The following PLB1 variants were observed in gnomAD, a reference collection of about 807,000 sequenced individuals.
The protein encoded by PLB1 is phospholipase B1.
Under a neutral mutation model 227.4 loss-of-function variants are expected in PLB1, and 242 were observed. The ratio of observed to expected loss-of-function variants is 1.06; its 90% CI spans 0.96 to 1.18. The LOEUF is 1.18. PLB1 is among the 50% of genes most tolerant of loss of function. PLB1 has a pLI of 0.00. For missense variants in PLB1, 1,858 were observed against 1,816.3 expected (o/e 1.02, Z -0.42); for synonymous variants, 757 against 682.2 (o/e 1.11, Z -1.71).
intron 1 of PLB1, among the ~76,000 whole-genome samples, chr2:28,510,988 T>A (rs1412629698): frequency 2.0e-5 from 3 of 152,200 alleles, no homozygotes; most frequent in Non-Finnish European, 4.4e-5. Context: ...TTTCACCACC[T>A]CATCCTGCCC....
At chr2:28,528,318 C>G (rs1050861614) in intron 6 of PLB1, among the ~76,000 whole-genome samples, 3 of 152,202 alleles carry the variant, frequency 2.0e-5, no homozygotes, top group Non-Finnish European at 4.4e-5. Flanking sequence ...GTGGAGGCAT[C>G]TGCCTCCCAT....
chr2:28,598,938 T>C lies in PLB1; in HGVS notation c.2474+178T>C, dbSNP rs2148296065. Among the ~76,000 whole-genome samples, 3 of 152,358 alleles carry C rather than the reference T, an allele frequency of 2.0e-5. 1 individual carries two copies. The South Asian group carries it at 6.2e-4, about 32-fold the overall frequency. ...AGGTTGTAATAGGCCAGAGAGGCTG[T>C]GGCCTTGGAGAGATGCGATGCCCCT... On this transcript the variant is annotated intron_variant, in intron 35 of 57. Transcript: ENST00000327757.
At chr2:28,603,757 C>T (rs578219172) in intron 39 of PLB1, among the ~76,000 whole-genome samples, 9 of 152,250 alleles carry the variant, frequency 5.9e-5, no homozygotes, top group African/African-American at 1.2e-4. Flanking sequence ...CTCATTCCCA[C>T]ACTGGCTCCC....
In PLB1 at chr2:28,550,080, T is replaced by C. The variant is rs769728588; in HGVS notation, c.1079T>C (p.Leu360Pro). 7 of 1,611,102 alleles carry C rather than the reference T, an allele frequency of 4.3e-6. No individual in the cohort carries two copies. In the African/African-American group the frequency reaches 6.7e-5, roughly 15 times the overall value. The change falls in exon 16 of 58, where the codon CTT (leucine) becomes CCT (proline). Residue 360 changes from leucine to proline, a missense_variant. Leu to Pro is a moderately conservative substitution (Grantham distance 98, BLOSUM62 -3). Coordinates refer to ENST00000327757, the MANE Select transcript of PLB1 (RefSeq NM_153021.5). ...LTRLQKPQDKLEVREGAEIRC... is the reference protein window; with the variant it reads ...LTRLQKPQDKPEVREGAEIRC... The stretch of plus-strand genomic sequence containing the variant: ...AGACTGCAGAAACCCCAAGACAAGC[T>C]TGAGGTAAGGAAAGGTTTTCTGTAA...
intron 22 of PLB1, among the ~76,000 whole-genome samples, chr2:28,579,175 A>G (rs756197521): frequency 3.9e-5 from 6 of 152,158 alleles, no homozygotes; most frequent in Non-Finnish European, 5.9e-5. Context: ...GAGTATTCCA[A>G]ATTTGGAGAG....
At chr2:28,552,412 C>G (rs1674397837) in intron 16 of PLB1, among the ~76,000 whole-genome samples, 1 of 152,182 alleles carries the variant, frequency 6.6e-6, no homozygotes, top group East Asian at 1.9e-4. Flanking sequence ...GGAGATTGGA[C>G]TTTTTGCTGA....
rs1573308499 is a variant in PLB1, at chr2:28,597,905, G to A, written c.2322-100G>A. On this transcript the variant is annotated intron_variant, in intron 33 of 57. Transcript: ENST00000327757. ...CTGGCCCATCTCAAAGGTGCCGATGGGCACTAAGAAGGGTGGGGGCTGCTC... is the reference window on the plus strand; with the variant it reads ...CTGGCCCATCTCAAAGGTGCCGATGAGCACTAAGAAGGGTGGGGGCTGCTC... 4.3e-6 allele frequency: 5 copies of A among 1,155,042 alleles called. No homozygotes were observed. The East Asian group carries it at 9.4e-5, about 22-fold the overall frequency. The allele number at this position is 1,155,042 out of a possible 1,614,324, so 71.5% of individuals were successfully genotyped here. A position where few individuals can be genotyped will look rare whatever the true frequency, so the allele number is the denominator to read the frequency against.
At chr2:28,598,555 C>T in intron 34 of PLB1, 97 bp from the exon 35 acceptor site, 2 of 930,798 alleles carry the variant, frequency 2.1e-6, no homozygotes, top group Non-Finnish European at 3.5e-6. Flanking sequence ...AGGATGATAA[C>T]ACAGCCCACT....
At chr2:28,569,308 A>T (rs1223029735) in intron 20 of PLB1, among the ~76,000 whole-genome samples, 1 of 152,174 alleles carries the variant, frequency 6.6e-6, no homozygotes, top group Non-Finnish European at 1.5e-5. Flanking sequence ...TTTTATTTCT[A>T]ATTCAGTCCA....
chr2:28,607,357 C>A (rs1304100181), intron 43 of PLB1, among the ~76,000 whole-genome samples: 1 of 152,160 alleles, frequency 6.6e-6, no homozygotes, highest in East Asian at 1.9e-4. Flanking sequence ...AATGGACCTG[C>A]AGCTCCCCCA....
rs1247043978 is a variant in PLB1 at position 28,601,980 on chromosome 2, C to T, written c.2673+16C>T. 24 of 1,598,854 alleles carry T rather than the reference C, an allele frequency of 1.5e-5. No homozygotes were observed. The highest frequency in any genetic ancestry group is 2.1e-5 in the Non-Finnish European group (24 of 1,166,574). On this transcript the variant is annotated intron_variant, in intron 38 of 57. Transcript: ENST00000327757. ...GCATAGAGAGGTGGGTGGGGGGCTTCCACAAGCTGGTAACAGCTCAAGCAT... is the reference window on the plus strand; with the variant it reads ...GCATAGAGAGGTGGGTGGGGGGCTTTCACAAGCTGGTAACAGCTCAAGCAT...
intron 9 of PLB1, among the ~76,000 whole-genome samples, chr2:28,535,590 C>G (rs1572818153): frequency 6.6e-6 from 1 of 152,182 alleles, no homozygotes; most frequent in East Asian, 1.9e-4. Context: ...GAAAGCACAT[C>G]TCAGGTATAA....
rs780835288 is a variant in PLB1 at position 28,585,807 on chromosome 2, C to A, written c.1780C>A (p.Leu594Ile). ...VLKFDDNSTE[L>I]ATLIEFNKKF... is the part of the protein sequence containing the mutation. ...GAAGTTTGATGATAACTCAACAGAACTTGCTACCCTCATCGAATTCAACAA... is the reference window on the plus strand; with the variant it reads ...GAAGTTTGATGATAACTCAACAGAAATTGCTACCCTCATCGAATTCAACAA... The change falls in exon 26 of 58, where the codon CTT becomes ATT. Residue 594 changes from leucine to isoleucine, a missense_variant. Physicochemically the swap from Leu to Ile is conservative, Grantham distance 5. Transcript: ENST00000327757. 6.2e-7 allele frequency: 1 copy of A among 1,612,552 alleles called. No individual in the cohort carries two copies. The highest frequency in any genetic ancestry group is 1.1e-5 in the South Asian group (1 of 91,062).
At chr2:28,513,403 T>C (rs1196661117) in intron 1 of PLB1, among the ~76,000 whole-genome samples, 1 of 152,242 alleles carries the variant, frequency 6.6e-6, no homozygotes, top group Non-Finnish European at 1.5e-5. Context: ...CTTGAAAGCC[T>C]GGGATATTCA....
intron 1 of PLB1, among the ~76,000 whole-genome samples, chr2:28,515,539 C>G (rs1216918913): frequency 6.6e-6 from 1 of 152,158 alleles, no homozygotes; most frequent in Non-Finnish European, 1.5e-5. Context: ...ATTCCTTGTG[C>G]AAGCTCTAAT....
intron 43 of PLB1, among the ~76,000 whole-genome samples, chr2:28,611,023 T>C (rs1685377925): frequency 6.6e-6 from 1 of 152,006 alleles, no homozygotes; most frequent in African/African-American, 2.4e-5. Context: ...AAATGGTCAA[T>C]GGTCAATAAA....
At chr2:28,607,111 T>C (rs1684789742) in intron 43 of PLB1, among the ~76,000 whole-genome samples, 1 of 152,142 alleles carries the variant, frequency 6.6e-6, no homozygotes, top group Admixed American at 6.5e-5. Context: ...TCCAGGCTCC[T>C]TTTAAGGAGG....
chr2:28,585,776 T>G lies in PLB1; in HGVS notation c.1749T>G (p.Cys583Trp). 2 of 1,609,552 alleles carry G rather than the reference T, an allele frequency of 1.2e-6. No individual in the cohort carries two copies. The highest frequency in any genetic ancestry group is 1.7e-6 in the Non-Finnish European group (2 of 1,175,794). ...PRMILRSLCP[C>W]VLKFDDNSTE... ...TGGTCTACAGGTCTCTGTGTCCCTG[T>G]GTCCTGAAGTTTGATGATAACTCAA... The change falls in exon 26 of 58, where the codon TGT becomes TGG. Residue 583 changes from cysteine to tryptophan, a missense_variant. Cys to Trp is a radical substitution (Grantham distance 215). Coordinates refer to ENST00000327757, the MANE Select transcript of PLB1 (RefSeq NM_153021.5).
At chr2:28,565,070 G>C (rs889226276) in intron 18 of PLB1, among the ~76,000 whole-genome samples, 1 of 152,222 alleles carries the variant, frequency 6.6e-6, no homozygotes, top group African/African-American at 2.4e-5. Flanking sequence ...AAGCAGAGCT[G>C]GGAGTAGCAC....
Sources: gnomAD v4.1 joint callset for allele counts (sites outside exome capture counted in the v4.1 genomes callset) on GRCh38, gnomAD v4.1.1 for gene constraint, MANE v1.5 for transcripts, NCBI Gene and HGNC (gene_info 2026-07-23, HGNC 2026-07-21) for gene names.